SDCCAG8: variants seen among roughly 807,000 people sequenced by gnomAD.
SDCCAG8 encodes serologically defined colon cancer antigen 8.
SDCCAG8 carries 74 observed loss-of-function variants against 101.8 expected under a neutral mutation model. That is an observed-to-expected ratio of 0.73 (90% CI 0.60 to 0.88). SDCCAG8 has a LOEUF of 0.88. SDCCAG8 is among the 40% of genes least tolerant of loss of function. The probability of loss-of-function intolerance (pLI) is 0.00; values close to 1 mark genes in which losing one functional copy is unlikely to be tolerated. For synonymous variants in SDCCAG8, 281 were observed against 292.9 expected, an observed-to-expected ratio of 0.96 and a Z score of 0.41; for missense variants, 787 against 822.6, an observed-to-expected ratio of 0.96 and a Z score of 0.53.
At chr1:243,378,464 C>A (rs2077732145) in intron 12 of SDCCAG8, among the ~76,000 whole-genome samples, 1 of 152,118 alleles carries the variant, frequency 6.6e-6, no homozygotes, top group Non-Finnish European at 1.5e-5. Context: ...AATGAAAGTG[C>A]AATTATCCAC....
intron 17 of SDCCAG8, among the ~76,000 whole-genome samples, chr1:243,491,634 C>T (rs902967516): frequency 7.9e-5 from 12 of 152,178 alleles, no homozygotes; most frequent in African/African-American, 2.7e-4. Context: ...TCAGCCTCTG[C>T]GATGCCTTCT....
chr1:243,379,040 T>A lies in SDCCAG8; in HGVS notation c.1616+177T>A, dbSNP rs1410063438. On this transcript the variant is annotated intron_variant, in intron 13 of 17. Coordinates refer to ENST00000366541, the MANE Select transcript of SDCCAG8 (RefSeq NM_006642.5). ...AACACCCAGACATGTGAATGATAAG[T>A]GTGGCAGGGAATTACTGATAGATTA... 2.0e-5 allele frequency among the ~76,000 whole-genome samples: 3 copies of A among 152,276 alleles called. 1 individual carries two copies. The East Asian group carries it at 5.8e-4, about 29-fold the overall frequency.
At chr1:243,401,342 C>A (rs529472990) in intron 13 of SDCCAG8, among the ~76,000 whole-genome samples, 1 of 152,204 alleles carries the variant, frequency 6.6e-6, no homozygotes, top group African/African-American at 2.4e-5. Flanking sequence ...CAGATTAAAT[C>A]CCCAGGCAGT....
At chr1:243,425,231 C>G (rs951315796) in intron 15 of SDCCAG8, among the ~76,000 whole-genome samples, 44 of 152,010 alleles carry the variant, frequency 2.9e-4, no homozygotes, top group African/African-American at 1.1e-3. Flanking sequence ...AAATTATAAG[C>G]TAATGTATGC....
intron 17 of SDCCAG8, among the ~76,000 whole-genome samples, chr1:243,496,570 T>C (rs1667961490): frequency 6.6e-6 from 1 of 152,152 alleles, no homozygotes; most frequent in South Asian, 2.1e-4. Flanking sequence ...GTTGTTACCT[T>C]CAGAAGGGTT....
In SDCCAG8 at chr1:243,415,708, A is replaced by G. The variant is rs564519391; in HGVS notation, c.1623A>G (p.Glu541=). ...TCTCCTCTCTGTTTTGCAGACAGGA[A>G]AAAGATAGCATTCAGCAGAGCTTTA... ...SEHQLHLTRQ[E]KDSIQQSFSK... is the part of the protein sequence containing the mutation. The change falls in exon 14 of 18, where the codon GAA becomes GAG. Residue 541 remains glutamate, a synonymous_variant. Coordinates refer to ENST00000366541, the MANE Select transcript of SDCCAG8 (RefSeq NM_006642.5). 17 of 1,613,774 alleles carry G rather than the reference A, an allele frequency of 1.1e-5. No individual in the cohort carries two copies. The South Asian group carries it at 1.9e-4, about 18-fold the overall frequency.
intron 13 of SDCCAG8, among the ~76,000 whole-genome samples, chr1:243,383,512 T>A (rs1320115984): frequency 1.3e-5 from 2 of 152,208 alleles, no homozygotes; most frequent in Non-Finnish European, 2.9e-5. Context: ...GCTTGGATGA[T>A]CTTTTGTTTA....
At chr1:243,325,099 C>T (rs886573136) in intron 9 of SDCCAG8, among the ~76,000 whole-genome samples, 5 of 152,132 alleles carry the variant, frequency 3.3e-5, no homozygotes, top group Non-Finnish European at 5.9e-5. Flanking sequence ...TTTTCTCCAC[C>T]AGAAGACCTT....
intron 12 of SDCCAG8, among the ~76,000 whole-genome samples, chr1:243,365,926 A>G (rs951934195): frequency 6.6e-6 from 1 of 152,086 alleles, no homozygotes; most frequent in Non-Finnish European, 1.5e-5. Flanking sequence ...CCATTTTGAA[A>G]TGACCTTTAG....
At chr1:243,308,434 T>A (rs1388371837) in intron 8 of SDCCAG8, among the ~76,000 whole-genome samples, 1 of 152,272 alleles carries the variant, frequency 6.6e-6, no homozygotes, top group East Asian at 1.9e-4. Flanking sequence ...TCAGTCCATC[T>A]TCAAGTGAGA....
intron 16 of SDCCAG8, among the ~76,000 whole-genome samples, chr1:243,467,673 A>G (rs1410083954): frequency 6.6e-6 from 1 of 152,222 alleles, no homozygotes; most frequent in Non-Finnish European, 1.5e-5. Flanking sequence ...TTTTACTGAA[A>G]GACTATTCTC....
chr1:243,345,077 C>T (rs987946466), intron 12 of SDCCAG8, among the ~76,000 whole-genome samples: 1 of 152,072 alleles, frequency 6.6e-6, no homozygotes, highest in Non-Finnish European at 1.5e-5. Flanking sequence ...AATAGTAAGA[C>T]TGGGTTCTTA....
intron 8 of SDCCAG8, among the ~76,000 whole-genome samples, chr1:243,314,247 C>T (rs771381199): frequency 5.3e-5 from 8 of 152,162 alleles, no homozygotes; most frequent in South Asian, 4.1e-4. Context: ...CCAGTGGTTA[C>T]GTGGAGTTTG....
chr1:243,362,961 G>A (rs1249216010), intron 12 of SDCCAG8, among the ~76,000 whole-genome samples: 1 of 152,150 alleles, frequency 6.6e-6, no homozygotes, highest in Non-Finnish European at 1.5e-5. Flanking sequence ...TCTGGAACTT[G>A]GTCATTTTCG....
At position 243,270,097 on chromosome 1, in the gene SDCCAG8, T is replaced by A; in HGVS notation, c.68-8T>A. The A allele has an allele frequency of 6.2e-7, 1 of 1,614,216 alleles. No individual in the cohort carries two copies. Among genetic ancestry groups the A allele is most frequent in the Non-Finnish European group, 8.5e-7 (1 of 1,180,048 alleles). On this transcript the variant is annotated splice_polypyrimidine_tract_variant and splice_region_variant and intron_variant, in intron 1 of 17. Coordinates refer to ENST00000366541, the MANE Select transcript of SDCCAG8 (RefSeq NM_006642.5). Reference sequence around the variant, plus strand: ...TGGGTCCTAACTTTCGTCAGGTTGTTCTTGCAGAACATGCCAGCAGAAGCA... The same window carrying A: ...TGGGTCCTAACTTTCGTCAGGTTGTACTTGCAGAACATGCCAGCAGAAGCA...
intron 12 of SDCCAG8, 94 bp from the exon 13 acceptor site, chr1:243,378,627 A>T: frequency 2.2e-6 from 3 of 1,379,502 alleles, no homozygotes; most frequent in Admixed American, 3.8e-5. Flanking sequence ...TTTTTATCAA[A>T]TTGAAATTCA....
chr1:243,293,022 T>C, intron 5 of SDCCAG8, 69 bp from the exon 6 acceptor site: 1 of 1,574,972 alleles, frequency 6.3e-7, no homozygotes, highest in South Asian at 1.1e-5. Flanking sequence ...AATAGGTATT[T>C]TATTTGTAAA....
At position 243,497,854 on chromosome 1, in the gene SDCCAG8, A is replaced by AT. The variant is rs1558559876; in HGVS notation, c.2113-1894dup. Among the ~76,000 whole-genome samples, 4 of 151,698 alleles carry AT rather than the reference A, an allele frequency of 2.6e-5. No individual in the cohort carries two copies. In the South Asian group the frequency reaches 6.2e-4, roughly 24 times the overall value. Reference sequence around the variant, plus strand: ...CCACCACACATGGCTAATTTTTACAATTTTTTTTGTAGAGATGAGGTCTCA... The same window carrying AT: ...CCACCACACATGGCTAATTTTTACAATTTTTTTTTGTAGAGATGAGGTCTCA... On this transcript the variant is annotated intron_variant, in intron 17 of 17. Transcript: ENST00000366541.
In SDCCAG8 at chr1:243,370,334, T is replaced by C. The variant is rs544026190; in HGVS notation, c.1474-8387T>C. Among the ~76,000 whole-genome samples the C allele has an allele frequency of 3.4e-4, 52 of 152,250 alleles. No homozygotes were observed. In the South Asian group the frequency reaches 0.01, roughly 30 times the overall value. On this transcript the variant is annotated intron_variant, in intron 12 of 17. Coordinates refer to ENST00000366541, the MANE Select transcript of SDCCAG8 (RefSeq NM_006642.5). ...TATTTTAAAGAAAAAAAATTGCAGA[T>C]TTAATGAATGGCCTGATATTTTGTC...
Sources: gnomAD v4.1 joint callset for allele counts (sites outside exome capture counted in the v4.1 genomes callset) on GRCh38, gnomAD v4.1.1 for gene constraint, MANE v1.5 for transcripts, NCBI Gene and HGNC (gene_info 2026-07-23, HGNC 2026-07-21) for gene names.